Variants in PLA2G4A observed in about 807,000 individuals in gnomAD.
The protein encoded by PLA2G4A is phospholipase A2 group IVA.
PLA2G4A carries 40 observed loss-of-function variants against 81.9 expected under a neutral mutation model. That is an observed-to-expected ratio of 0.49 (90% CI 0.38 to 0.64). The LOEUF is 0.64. PLA2G4A is among the 30% of genes least tolerant of loss of function. PLA2G4A has a pLI of 0.00. For synonymous variants in PLA2G4A, 302 were observed against 296.9 expected (o/e 1.02, Z -0.18); for missense variants, 715 against 905.1 (o/e 0.79, Z 2.69).
At chr1:186,949,285 G>C (rs542332393) in intron 12 of PLA2G4A, among the ~76,000 whole-genome samples, 2 of 122,338 alleles carry the variant, frequency 1.6e-5, no homozygotes, top group East Asian at 4.7e-4. Context: ...AAAGAAAGAA[G>C]AAAAAGAAGG....
chr1:186,945,166 T>C (rs1656292815), intron 10 of PLA2G4A, among the ~76,000 whole-genome samples: 1 of 152,078 alleles, frequency 6.6e-6, no homozygotes, highest in African/African-American at 2.4e-5. Flanking sequence ...GGAGCAAGCA[T>C]TATAACTGCA....
chr1:186,947,684 T>G (rs930134047), intron 12 of PLA2G4A, among the ~76,000 whole-genome samples: 1 of 152,172 alleles, frequency 6.6e-6, no homozygotes, highest in East Asian at 1.9e-4. Context: ...CATTAATTTT[T>G]GGGTTGACTG....
chr1:186,946,507 G>T, intron 10 of PLA2G4A, 130 bp from the exon 11 acceptor site: 1 of 764,858 alleles, frequency 1.3e-6, no homozygotes. Context: ...TTTGGCTAAT[G>T]TTTTCATTTT....
Position 186,988,598 on chromosome 1 carries a change from G to A in PLA2G4A, c.*90G>A, listed in dbSNP as rs562483486. Reference sequence around the variant, plus strand: ...ATTTAAAAGTACAGTACAGATAGTCGTACTGATCATGAGAGACTGGCTGAT... The same window carrying A: ...ATTTAAAAGTACAGTACAGATAGTCATACTGATCATGAGAGACTGGCTGAT... On this transcript the variant is annotated 3_prime_UTR_variant, in exon 18 of 18. Transcript: ENST00000367466. 87 of 1,137,224 alleles carry A rather than the reference G, an allele frequency of 7.7e-5. No individual in the cohort carries two copies. The highest frequency in any genetic ancestry group is 2.4e-4 in the Admixed American group (14 of 58,466). The allele number at this position is 1,137,224 out of a possible 1,614,324, so 70.4% of individuals were successfully genotyped here. A position where few individuals can be genotyped will look rare whatever the true frequency, so the allele number is the denominator to read the frequency against.
At chr1:186,937,354 C>G (rs1392429345) in intron 8 of PLA2G4A, among the ~76,000 whole-genome samples, 1 of 151,744 alleles carries the variant, frequency 6.6e-6, no homozygotes, top group Non-Finnish European at 1.5e-5. Context: ...AATATCATAT[C>G]TTTTTTGATT....
chr1:186,988,104 C>T (rs567881533), intron 17 of PLA2G4A, among the ~76,000 whole-genome samples: 35 of 152,306 alleles, frequency 2.3e-4, no homozygotes, highest in African/African-American at 8.4e-4. Flanking sequence ...CATGCTACCA[C>T]TTTATTCCCA....
chr1:186,972,018 C>T (rs1027562369), intron 15 of PLA2G4A, among the ~76,000 whole-genome samples: 4 of 152,106 alleles, frequency 2.6e-5, no homozygotes, highest in Admixed American at 1.3e-4. Context: ...AAAATTCTAG[C>T]ACTTCGTGTA....
intron 2 of PLA2G4A, 59 bp from the exon 3 acceptor site, chr1:186,870,376 G>T (rs1446070164): frequency 1.3e-5 from 13 of 981,090 alleles, no homozygotes; most frequent in Non-Finnish European, 1.8e-5. Flanking sequence ...TAATCTCAAG[G>T]AAAAAATGAG....
intron 1 of PLA2G4A, among the ~76,000 whole-genome samples, chr1:186,853,948 G>A (rs757084835): frequency 6.6e-6 from 1 of 151,790 alleles, no homozygotes; most frequent in Non-Finnish European, 1.5e-5. Context: ...GCTTAATTAT[G>A]ATATAAACAG....
chr1:186,878,972 T>G (rs1422421469), intron 3 of PLA2G4A, among the ~76,000 whole-genome samples: 2 of 151,868 alleles, frequency 1.3e-5, no homozygotes, highest in African/African-American at 4.8e-5. Context: ...CTCTAAAAAT[T>G]TAAACATTTA....
chr1:186,923,499 T>C (rs1481273907), intron 7 of PLA2G4A, among the ~76,000 whole-genome samples: 1 of 152,264 alleles, frequency 6.6e-6, no homozygotes, highest in Non-Finnish European at 1.5e-5. Context: ...AAAGCTGAGA[T>C]GGCTAGCCCT....
intron 15 of PLA2G4A, among the ~76,000 whole-genome samples, chr1:186,970,173 C>A (rs1462767513): frequency 6.6e-6 from 1 of 152,020 alleles, no homozygotes; most frequent in Admixed American, 6.6e-5. Flanking sequence ...TGATGTTAAA[C>A]ATTTTTTCAT....
chr1:186,962,694 G>A lies in PLA2G4A; in HGVS notation c.1580-2715G>A, dbSNP rs538367736. Among the ~76,000 whole-genome samples the A allele has an allele frequency of 1.8e-4, 28 of 152,096 alleles. No homozygotes were observed. The East Asian group carries it at 5.4e-3, about 29-fold the overall frequency. On this transcript the variant is annotated intron_variant, in intron 14 of 17. Coordinates refer to ENST00000367466, the MANE Select transcript of PLA2G4A (RefSeq NM_024420.3). ...CGCCACCGCGCCCGGCTAAATTTTT[G>A]TATTTTTAGTAGAGACGGGGTTTCA...
At chr1:186,987,542 T>A (rs977947436) in intron 17 of PLA2G4A, among the ~76,000 whole-genome samples, 1 of 152,226 alleles carries the variant, frequency 6.6e-6, no homozygotes, top group Non-Finnish European at 1.5e-5. Context: ...GGAGTCTTCC[T>A]GATTTTAACA....
At chr1:186,898,439 A>G (rs1654418696) in intron 5 of PLA2G4A, among the ~76,000 whole-genome samples, 1 of 152,226 alleles carries the variant, frequency 6.6e-6, no homozygotes, top group South Asian at 2.1e-4. Flanking sequence ...ATTCTAGGTG[A>G]TAGACAGTAT....
intron 5 of PLA2G4A, among the ~76,000 whole-genome samples, chr1:186,903,630 G>A (rs556667043): frequency 1.3e-5 from 2 of 152,294 alleles, no homozygotes; most frequent in South Asian, 4.1e-4. Flanking sequence ...TGAACTACAA[G>A]TGTGAAGGAT....
At chr1:186,935,243 A>G (rs1314750984) in intron 8 of PLA2G4A, among the ~76,000 whole-genome samples, 1 of 151,960 alleles carries the variant, frequency 6.6e-6, no homozygotes, top group East Asian at 1.9e-4. Context: ...ATACTTTTAA[A>G]CATGAGATTG....
At position 186,830,608 on chromosome 1, in the gene PLA2G4A, C is replaced by CAAAAAAAAAAAAAAAAAAAAAAAAA. The variant is rs55745208; in HGVS notation, c.-70+1597_-70+1598insAAAAAAAAAAAAAAAAAAAAAAAAA. ...GAGCGAAAACAGCGAAGCTCTGTCTCAAAAAAAAAAAAAAAAAAAAAAAAG... is the reference window on the plus strand; with the variant it reads ...GAGCGAAAACAGCGAAGCTCTGTCTCAAAAAAAAAAAAAAAAAAAAAAAAAAAAAAAAAAAAAAAAAAAAAAAAAG... On this transcript the variant is annotated intron_variant, in intron 1 of 17. Coordinates refer to ENST00000367466, the MANE Select transcript of PLA2G4A (RefSeq NM_024420.3). Among the ~76,000 whole-genome samples the CAAAAAAAAAAAAAAAAAAAAAAAAA allele has an allele frequency of 2.2e-4, 16 of 72,690 alleles. 2 individuals carry two copies. The highest frequency in any genetic ancestry group is 5.7e-4 in the South Asian group (1 of 1,756). 47.7% of individuals were successfully genotyped at this position (72,690 alleles called of 152,430 possible).
At chr1:186,871,682 G>C (rs771015852) in intron 3 of PLA2G4A, among the ~76,000 whole-genome samples, 2 of 152,120 alleles carry the variant, frequency 1.3e-5, no homozygotes, top group Non-Finnish European at 2.9e-5. Flanking sequence ...AAGGGCAGAT[G>C]AGACTAGGAT....
Sources: gnomAD v4.1 joint callset for allele counts (sites outside exome capture counted in the v4.1 genomes callset) on GRCh38, gnomAD v4.1.1 for gene constraint, MANE v1.5 for transcripts, NCBI Gene and HGNC (gene_info 2026-07-23, HGNC 2026-07-21) for gene names.